FANCM: variants seen among roughly 807,000 people sequenced by gnomAD.
The protein encoded by FANCM is Fanconi anemia group M protein.
FANCM carries 140 observed loss-of-function variants against 199.5 expected under a neutral mutation model. The ratio of observed to expected loss-of-function variants is 0.70; its 90% CI spans 0.61 to 0.81. The LOEUF (loss-of-function observed/expected upper bound fraction) is 0.81, where lower values mean the gene tolerates loss of function less well. Among genes scored for constraint, FANCM ranks in the 30% least tolerant of loss-of-function variants. The pLI is 0.00. For synonymous variants in FANCM, 840 were observed against 836.8 expected (o/e 1.00, Z -0.07); for missense variants, 2,410 against 2,421.4 (o/e 1.00, Z 0.10).
intron 1 of FANCM, among the ~76,000 whole-genome samples, chr14:45,136,755 C>G (rs938488545): frequency 2.0e-5 from 3 of 152,052 alleles, no homozygotes; most frequent in Admixed American, 6.5e-5. Context: ...GTGCGTATAC[C>G]CCATGGGTAA....
chr14:45,148,860 C>T lies in FANCM; in HGVS notation c.783C>T (p.Asn261=), dbSNP rs1370996926. ...AGGCTGTGCAACAAGTTATTACTAACCTGCTAATTGGGCAGATAGAGCTTC... is the reference window on the plus strand; with the variant it reads ...AGGCTGTGCAACAAGTTATTACTAATCTGCTAATTGGGCAGATAGAGCTTC... ...DIKAVQQVIT[N]LLIGQIELRS... Residue 261 remains asparagine (N), a synonymous_variant, in exon 4 of 23, where the codon AAC becomes AAT. Coordinates refer to ENST00000267430, the MANE Select transcript of FANCM (RefSeq NM_020937.4). The T allele has an allele frequency of 6.2e-7, 1 of 1,609,758 alleles. No homozygotes were observed. Among genetic ancestry groups the T allele is most frequent in the South Asian group, 1.1e-5 (1 of 90,988 alleles).
At position 45,194,894 on chromosome 14, in the gene FANCM, T is replaced by C. The variant is rs186230650; in HGVS notation, c.5341-1278T>C. Among the ~76,000 whole-genome samples the C allele has an allele frequency of 5.6e-3, 842 of 149,736 alleles. 8 individuals are homozygous for C. Among genetic ancestry groups the C allele is most frequent in the African/African-American group, 0.02 (806 of 40,774 alleles). ...TGGCGTGATCTCGGCTCACTGCAACTCCGCCTCCCACACCCAGATAATTGT... is the reference window on the plus strand; with the variant it reads ...TGGCGTGATCTCGGCTCACTGCAACCCCGCCTCCCACACCCAGATAATTGT... On this transcript the variant is annotated intron_variant, in intron 20 of 22. Transcript: ENST00000267430.
chr14:45,140,827 G>T, intron 3 of FANCM, 118 bp downstream of exon 3: 1 of 736,884 alleles, frequency 1.4e-6, no homozygotes, highest in South Asian at 1.5e-5. Flanking sequence ...GATCACTTGA[G>T]GCCAGGAATT....
intron 8 of FANCM, among the ~76,000 whole-genome samples, chr14:45,158,355 A>G (rs892908414): frequency 1.1e-4 from 16 of 152,108 alleles, no homozygotes; most frequent in African/African-American, 3.1e-4. Context: ...ATGATCACCA[A>G]TCACCCAGAG....
intron 3 of FANCM, among the ~76,000 whole-genome samples, chr14:45,147,668 C>T (rs1047050252): frequency 3.9e-4 from 60 of 152,032 alleles, no homozygotes; most frequent in Middle Eastern, 3.4e-3. Context: ...CCAAGGTGGG[C>T]GGATCACAGA....
intron 3 of FANCM, among the ~76,000 whole-genome samples, chr14:45,147,972 C>A (rs376035684): frequency 4.0e-5 from 6 of 150,896 alleles, no homozygotes; most frequent in Non-Finnish European, 1.5e-5. Flanking sequence ...CCAAGGTGGG[C>A]GAATCATGAG....
chr14:45,149,928 G>T (rs1886698209), intron 4 of FANCM, among the ~76,000 whole-genome samples: 1 of 152,088 alleles, frequency 6.6e-6, no homozygotes, highest in Non-Finnish European at 1.5e-5. Flanking sequence ...ACAATGGATA[G>T]GACAGCAACC....
Position 45,181,544 on chromosome 14 carries a change from C to A in FANCM, c.4317+20C>A, listed in dbSNP as rs749167463. The A allele has an allele frequency of 1.9e-6, 3 of 1,540,386 alleles. No individual in the cohort carries two copies. Among genetic ancestry groups the A allele is most frequent in the Non-Finnish European group, 2.7e-6 (3 of 1,113,122 alleles). On this transcript the variant is annotated intron_variant, in intron 15 of 22. Coordinates refer to ENST00000267430, the MANE Select transcript of FANCM (RefSeq NM_020937.4). The stretch of plus-strand genomic sequence containing the variant: ...CCTGAGGTGAGTCATTCAGTAATCA[C>A]AATAGTATAATCATATCAAAGGCTA...
At chr14:45,138,806 C>A (rs918720091) in intron 2 of FANCM, among the ~76,000 whole-genome samples, 1 of 152,124 alleles carries the variant, frequency 6.6e-6, no homozygotes, top group African/African-American at 2.4e-5. Context: ...ACAGCTTACA[C>A]CGCATTGAAT....
chr14:45,136,010 G>A lies in FANCM; in HGVS notation c.-22G>A. The stretch of plus-strand genomic sequence containing the variant: ...CTGCTGCTACGGATATCTGACAGAA[G>A]CCTTCGGTGGTTGTCGGCCTAATGA... On this transcript the variant is annotated 5_prime_UTR_variant, in exon 1 of 23. Transcript: ENST00000267430. 1 of 1,612,688 alleles carries A rather than the reference G, an allele frequency of 6.2e-7. No individual in the cohort carries two copies. Among genetic ancestry groups the A allele is most frequent in the Non-Finnish European group, 8.5e-7 (1 of 1,179,922 alleles).
chr14:45,167,984 C>G (rs55874504), intron 11 of FANCM, among the ~76,000 whole-genome samples: 4 of 152,134 alleles, frequency 2.6e-5, no homozygotes, highest in Non-Finnish European at 5.9e-5. Flanking sequence ...AAGACTCTTA[C>G]GCTGAAAAAT....
At chr14:45,181,327 T>C in intron 14 of FANCM, 103 bp from the exon 15 acceptor site, 5 of 671,182 alleles carry the variant, frequency 7.4e-6, no homozygotes, top group Non-Finnish European at 1.0e-5. Context: ...AATGTTGAGA[T>C]TGCGTGAAAT....
intron 22 of FANCM, among the ~76,000 whole-genome samples, chr14:45,199,252 A>C (rs1002221041): frequency 6.6e-6 from 1 of 152,234 alleles, no homozygotes; most frequent in African/African-American, 2.4e-5. Flanking sequence ...TAACAAGAAA[A>C]ATGAGTATTT....
At chr14:45,167,612 T>C (rs1266443419) in intron 11 of FANCM, among the ~76,000 whole-genome samples, 2 of 152,230 alleles carry the variant, frequency 1.3e-5, no homozygotes, top group Non-Finnish European at 1.5e-5. Flanking sequence ...AGGGCACCAT[T>C]TGCTATACAT....
intron 3 of FANCM, among the ~76,000 whole-genome samples, chr14:45,142,601 C>T (rs764567395): frequency 1.2e-4 from 19 of 152,056 alleles, no homozygotes; most frequent in Non-Finnish European, 1.9e-4. Flanking sequence ...CCACTGTGCC[C>T]GGCCGCTTCC....
intron 21 of FANCM, chr14:45,198,356 C>A: frequency 4.3e-6 from 1 of 232,150 alleles, no homozygotes; most frequent in Admixed American, 5.0e-5. Context: ...GCATGAAAAA[C>A]TAGAGATGAG....
chr14:45,179,734 G>T (rs1240949412), intron 14 of FANCM, among the ~76,000 whole-genome samples: 2 of 151,626 alleles, frequency 1.3e-5, no homozygotes, highest in Non-Finnish European at 2.9e-5. Flanking sequence ...ACTAATTTTT[G>T]TATTTTTAGT....
At chr14:45,162,203 T>G (rs1887656346) in intron 9 of FANCM, among the ~76,000 whole-genome samples, 1 of 152,178 alleles carries the variant, frequency 6.6e-6, no homozygotes, top group African/African-American at 2.4e-5. Flanking sequence ...CTGGCCAACA[T>G]GGTGAAACCC....
chr14:45,138,459 A>G (rs747816829), intron 2 of FANCM, among the ~76,000 whole-genome samples: 28 of 152,072 alleles, frequency 1.8e-4, no homozygotes, highest in Non-Finnish European at 3.7e-4. Context: ...AATATAATAT[A>G]TTTTTCCACT....
Sources: allele counts gnomAD v4.1 joint callset (sites outside exome capture counted in the v4.1 genomes callset), GRCh38; gene constraint gnomAD v4.1.1; transcripts MANE v1.5; gene names NCBI Gene and HGNC (gene_info 2026-07-23, HGNC 2026-07-21).